Variants in BCL7B observed in about 807,000 individuals in gnomAD.
The protein encoded by BCL7B is B-cell CLL/lymphoma 7 protein family member B.
In BCL7B, 11 loss-of-function variants were observed where a neutral mutation model predicts 26.5. The observed-to-expected ratio is 0.42, with a 90% CI of 0.26 to 0.69. BCL7B has a LOEUF of 0.69. Ranked by LOEUF, BCL7B falls within the 30% of genes least tolerant of loss-of-function variation. The pLI, the probability that BCL7B is intolerant of heterozygous loss-of-function variation, is 0.28. For missense variants in BCL7B, 215 were observed against 264.4 expected (o/e 0.81, Z 1.30); for synonymous variants, 111 against 107.9 (o/e 1.03, Z -0.18).
chr7:73,557,445 G>A, intron 1 of BCL7B, 42 bp downstream of exon 1: 2 of 1,297,914 alleles, frequency 1.5e-6, no homozygotes, highest in Non-Finnish European at 2.0e-6. Context: ...TCAGGGCCTG[G>A]ATCCGCGACC....
chr7:73,557,159 A>G, intron 1 of BCL7B: 1 of 1,013,590 alleles, frequency 9.9e-7, no homozygotes, highest in Non-Finnish European at 1.2e-6. Context: ...GCCCAGGAAG[A>G]GGGGAGGGCG....
In BCL7B at chr7:73,543,622, C is replaced by G; in HGVS notation, c.191G>C (p.Ser64Thr). 1 of 1,613,602 alleles carries G rather than the reference C, an allele frequency of 6.2e-7. No individual in the cohort carries two copies. Among genetic ancestry groups the G allele is most frequent in the Non-Finnish European group, 8.5e-7 (1 of 1,179,834 alleles). ...SKEKEKSKSNSSAAREPNGFP... is the reference protein window; with the variant it reads ...SKEKEKSKSNTSAAREPNGFP... ...GCCATTAGGTTCTCGGGCTGCTGAA[C>G]TGTTCGATTTTGACTTTTCTTTCTA... Residue 64 changes from serine to threonine, a missense_variant, in exon 3 of 6, where the codon AGT (serine) becomes ACT (threonine). Transcript: ENST00000223368.
At chr7:73,543,245 C>T (rs991275276) in intron 3 of BCL7B, among the ~76,000 whole-genome samples, 19 of 151,398 alleles carry the variant, frequency 1.3e-4, no homozygotes, top group Non-Finnish European at 1.8e-4. Context: ...GGCGCAATCT[C>T]GGCTCACCGC....
At position 73,551,281 on chromosome 7, in the gene BCL7B, T is replaced by TAA. The variant is rs1381110130; in HGVS notation, c.168+885_168+886insTT. Among the ~76,000 whole-genome samples the TAA allele has an allele frequency of 2.0e-5, 3 of 152,218 alleles. No homozygotes were observed. The East Asian group carries it at 5.8e-4, about 29-fold the overall frequency. On this transcript the variant is annotated intron_variant, in intron 2 of 5. Transcript: ENST00000223368. ...CAATAAGGAAATCAGTGGGCATACT[T>TAA]ATGTGTTTGGTTTTTTTTGTTTGTT...
chr7:73,537,089 C>T lies in BCL7B; in HGVS notation c.*209G>A, dbSNP rs1554582198. On this transcript the variant is annotated 3_prime_UTR_variant, in exon 6 of 6. Coordinates refer to ENST00000223368, the MANE Select transcript of BCL7B (RefSeq NM_001707.4). ...TTGGGGTGCAAAAAAGACATGAGCG[C>T]TCCTCTTCTCGGGAGCAAGTAGACA... The T allele has an allele frequency of 2.1e-6, 1 of 475,318 alleles. No individual in the cohort carries two copies. The highest frequency in any genetic ancestry group is 1.9e-5 in the African/African-American group (1 of 51,624). 29.4% of individuals were successfully genotyped at this position (475,318 alleles called of 1,614,324 possible).
intron 1 of BCL7B, among the ~76,000 whole-genome samples, chr7:73,554,455 C>CA (rs1181939917): frequency 2.0e-4 from 29 of 147,434 alleles, no homozygotes; most frequent in East Asian, 1.0e-3. Context: ...CACGAAAAAG[C>CA]AAAAAAAAAG....
intron 2 of BCL7B, among the ~76,000 whole-genome samples, chr7:73,545,358 G>T (rs187894845): frequency 1.6e-3 from 241 of 152,002 alleles, no homozygotes; most frequent in African/African-American, 5.5e-3. Flanking sequence ...GACTACAGGC[G>T]CCCACTACCA....
In BCL7B at chr7:73,537,203, C is replaced by T; in HGVS notation, c.*95G>A. Reference sequence around the variant, plus strand: ...AAGGCTCATGTGTGCAGGCTCTTGACCCCAGTGCTTGCCCTTACCCCAGCA... The same window carrying T: ...AAGGCTCATGTGTGCAGGCTCTTGATCCCAGTGCTTGCCCTTACCCCAGCA... On this transcript the variant is annotated 3_prime_UTR_variant, in exon 6 of 6. Transcript: ENST00000223368. The T allele has an allele frequency of 8.2e-7, 1 of 1,221,100 alleles. No individual in the cohort carries two copies. The highest frequency in any genetic ancestry group is 1.2e-6 in the Non-Finnish European group (1 of 838,890). The allele number at this position is 1,221,100 out of a possible 1,614,324, so 75.6% of individuals were successfully genotyped here.
At chr7:73,554,556 A>T (rs1792293098) in intron 1 of BCL7B, among the ~76,000 whole-genome samples, 1 of 151,648 alleles carries the variant, frequency 6.6e-6, no homozygotes, top group African/African-American at 2.4e-5. Context: ...CCAGCACTTT[A>T]GAAGGCTGAG....
chr7:73,537,236 G>A lies in BCL7B; in HGVS notation c.*62C>T, dbSNP rs1334224097. 13 of 1,545,364 alleles carry A rather than the reference G, an allele frequency of 8.4e-6. No homozygotes were observed. The highest frequency in any genetic ancestry group is 4.5e-5 in the East Asian group (2 of 44,356). On this transcript the variant is annotated 3_prime_UTR_variant, in exon 6 of 6. Coordinates refer to ENST00000223368, the MANE Select transcript of BCL7B (RefSeq NM_001707.4). ...CTTGCCCTTACCCCAGCAACGCGGC[G>A]CGGCCAGAACCAGAATGCAATAAAT... is the stretch of plus-strand genomic sequence containing the variant.
Position 73,552,212 on chromosome 7 carries a change from C to G in BCL7B, c.123G>C (p.Thr41=). 6.2e-7 allele frequency: 1 copy of G among 1,610,610 alleles called. No homozygotes were observed. Among genetic ancestry groups the G allele is most frequent in the Non-Finnish European group, 8.5e-7 (1 of 1,179,082 alleles). The change falls in exon 2 of 6, where the codon ACG becomes ACC. Residue 41 remains threonine (T), a synonymous_variant. Transcript: ENST00000223368. ...WEKKWVTVGD[T]SLRIFKWVPV... ...GAACCCACTTAAATATCCTCAGGGACGTGTCACCCACAGTCACCCACTTCT... is the reference window on the plus strand; with the variant it reads ...GAACCCACTTAAATATCCTCAGGGAGGTGTCACCCACAGTCACCCACTTCT...
At chr7:73,537,822 T>C (rs1791598498) in intron 5 of BCL7B, 112 bp downstream of exon 5, 4 of 694,096 alleles carry the variant, frequency 5.8e-6, no homozygotes, top group African/African-American at 3.6e-5. Context: ...CAGGAGGCAG[T>C]GGAGGTTGTA....
At chr7:73,550,530 C>T (rs1022686127) in intron 2 of BCL7B, among the ~76,000 whole-genome samples, 2 of 151,170 alleles carry the variant, frequency 1.3e-5, no homozygotes, top group African/African-American at 2.4e-5. Flanking sequence ...GGCGACAGAG[C>T]GAGAGTCCGT....
intron 4 of BCL7B, among the ~76,000 whole-genome samples, chr7:73,539,290 TG>T (rs1290051565): frequency 2.7e-5 from 4 of 150,284 alleles, no homozygotes; most frequent in African/African-American, 9.8e-5. Context: ...CTCACTCTGT[TG>T]CCCAGGCAAG....
chr7:73,548,862 A>G (rs1206461864), intron 2 of BCL7B, among the ~76,000 whole-genome samples: 3 of 151,966 alleles, frequency 2.0e-5, no homozygotes, highest in Non-Finnish European at 4.4e-5. Flanking sequence ...ACCAGGAGGC[A>G]GAGGCTGCAG....
rs1791707381 is a variant in BCL7B at position 73,540,282 on chromosome 7, CTCT to C, written c.266-233_266-231del. 12 of 498,928 alleles carry C rather than the reference CTCT, an allele frequency of 2.4e-5. No homozygotes were observed. In the South Asian group the frequency reaches 3.0e-4, roughly 13 times the overall value. 30.9% of individuals were successfully genotyped at this position (498,928 alleles called of 1,614,324 possible). On this transcript the variant is annotated intron_variant, in intron 3 of 5. Transcript: ENST00000223368. ...GGAAGGTCAGGATATGCTTATTAAA[CTCT>C]TCTTTATTATCCACTGATTGCAGCT...
intron 2 of BCL7B, among the ~76,000 whole-genome samples, chr7:73,548,050 G>A (rs939854524): frequency 3.9e-5 from 6 of 152,082 alleles, no homozygotes; most frequent in South Asian, 2.1e-4. Context: ...CCCAGGAGGC[G>A]GAGGCTGCAG....
At position 73,543,542 on chromosome 7, in the gene BCL7B, A is replaced by G. The variant is rs782803926; in HGVS notation, c.265+6T>C. 1.9e-6 allele frequency: 3 copies of G among 1,611,300 alleles called. No homozygotes were observed. The highest frequency in any genetic ancestry group is 2.5e-6 in the Non-Finnish European group (3 of 1,177,782). On this transcript the variant is annotated splice_donor_region_variant and intron_variant, in intron 3 of 5. Coordinates refer to ENST00000223368, the MANE Select transcript of BCL7B (RefSeq NM_001707.4). Reference sequence around the variant, plus strand: ...CCTGCAAGGAAGACACAGAGATGCAACTCACCCTGGAATTCAAGAAGGAGA... The same window carrying G: ...CCTGCAAGGAAGACACAGAGATGCAGCTCACCCTGGAATTCAAGAAGGAGA...
At chr7:73,540,283 T>C in intron 3 of BCL7B, 1 of 486,950 alleles carries the variant, frequency 2.1e-6, no homozygotes, top group East Asian at 3.3e-5. Flanking sequence ...CTTATTAAAC[T>C]CTTCTTTATT....
Sources: allele counts gnomAD v4.1 joint callset (sites outside exome capture counted in the v4.1 genomes callset), GRCh38; gene constraint gnomAD v4.1.1; transcripts MANE v1.5; gene names NCBI Gene and HGNC (gene_info 2026-07-23, HGNC 2026-07-21).